The following DLEC1 variants were observed in gnomAD, a reference collection of about 807,000 sequenced individuals.
DLEC1 encodes the protein deleted in lung and esophageal cancer protein 1.
A neutral mutation model predicts 198.1 loss-of-function variants in DLEC1; 146 were observed. The observed-to-expected ratio is 0.74, with a 90% CI of 0.64 to 0.85. The LOEUF (loss-of-function observed/expected upper bound fraction) is 0.85. Among genes scored for constraint, DLEC1 ranks in the 40% least tolerant of loss-of-function variants. The pLI, the probability that DLEC1 is intolerant of heterozygous loss-of-function variation, is 0.00. For missense variants in DLEC1, 2,233 were observed against 2,220.0 expected (o/e 1.01, Z -0.12); for synonymous variants, 897 against 866.8 (o/e 1.03, Z -0.61).
chr3:38,117,458 G>A lies in DLEC1; in HGVS notation c.4401-69G>A, dbSNP rs755783865. 7 of 1,608,498 alleles carry A rather than the reference G, an allele frequency of 4.4e-6. No homozygotes were observed. The South Asian group carries it at 5.5e-5, about 13-fold the overall frequency. ...GGGAAAGGCTGGCCCGAGGCTGGAT[G>A]AGCAGAGTGGGGGCAGCCAGAAGGC... On this transcript the variant is annotated intron_variant, in intron 31 of 36. Coordinates refer to ENST00000308059, the MANE Select transcript of DLEC1 (RefSeq NM_007335.4).
chr3:38,050,940 C>CT (rs71094939), intron 2 of DLEC1, among the ~76,000 whole-genome samples: 46,353 of 146,698 alleles, frequency 0.32, 7,382 homozygotes, highest in East Asian at 0.56. Context: ...CTCTCTCTCT[C>CT]TTTTTTTTTT....
Position 38,116,579 on chromosome 3 carries a change from A to G in DLEC1, c.3983A>G (p.Asp1328Gly). 1 of 1,614,076 alleles carries G rather than the reference A, an allele frequency of 6.2e-7. No individual in the cohort carries two copies. Among genetic ancestry groups the G allele is most frequent in the South Asian group, 1.1e-5 (1 of 91,088 alleles). The change falls in exon 28 of 37, where the codon GAT becomes GGT. Residue 1328 changes from aspartate to glycine, a missense_variant. By Grantham distance (94) the Asp-to-Gly change is moderately conservative. Coordinates refer to ENST00000308059, the MANE Select transcript of DLEC1 (RefSeq NM_007335.4). Reference protein sequence around the residue: ...DQAGNELVCPDTPEGGCLLWS... With the variant: ...DQAGNELVCPGTPEGGCLLWS... ...GCCGGGAATGAGCTTGTGTGCCCTG[A>G]TACCCCTGAGGGTGGCTGCCTCCTC...
At chr3:38,041,946 A>C (rs754961237) in intron 1 of DLEC1, among the ~76,000 whole-genome samples, 2 of 152,140 alleles carry the variant, frequency 1.3e-5, no homozygotes, top group Non-Finnish European at 2.9e-5. Context: ...AGTTGTTAAA[A>C]AGAATGAATT....
Position 38,120,538 on chromosome 3 carries a change from A to G in DLEC1, c.4795A>G (p.Ser1599Gly), listed in dbSNP as rs1477537424. Residue 1599 changes from serine (S) to glycine (G), a missense_variant, in exon 34 of 37, where the codon AGT becomes GGT. By Grantham distance (56) the Ser-to-Gly change is moderately conservative. Transcript: ENST00000308059. ...QTLPGVDIQQ[S>G]ASGEREMVFT... Reference sequence around the variant, plus strand: ...ACTGCCTGGGGTGGACATTCAGCAGAGTGCGAGTGGAGAGAGAGAGATGGT... The same window carrying G: ...ACTGCCTGGGGTGGACATTCAGCAGGGTGCGAGTGGAGAGAGAGAGATGGT... The G allele has an allele frequency of 1.9e-6, 3 of 1,614,216 alleles. No homozygotes were observed. Among genetic ancestry groups the G allele is most frequent in the Non-Finnish European group, 2.5e-6 (3 of 1,180,036 alleles).
intron 13 of DLEC1, 103 bp from the exon 14 acceptor site, chr3:38,095,785 G>A (rs1698983459): frequency 1.4e-6 from 2 of 1,466,540 alleles, no homozygotes; most frequent in Non-Finnish European, 1.9e-6. Flanking sequence ...TCCTTCTGAT[G>A]GCTAGGCTAA....
chr3:38,073,937 G>T (rs1357644653), intron 6 of DLEC1, among the ~76,000 whole-genome samples: 3 of 152,216 alleles, frequency 2.0e-5, no homozygotes, highest in Non-Finnish European at 2.9e-5. Context: ...TCGCTAAGCT[G>T]AGCAGATCTG....
In DLEC1 at chr3:38,122,087, C is replaced by A. The variant is rs1378129171; in HGVS notation, c.5037C>A (p.Ala1679=). 3 of 1,614,056 alleles carry A rather than the reference C, an allele frequency of 1.9e-6. No individual in the cohort carries two copies. The highest frequency in any genetic ancestry group is 3.3e-5 in the Admixed American group (2 of 60,010). Residue 1679 remains alanine, a synonymous_variant, in exon 36 of 37, where the codon GCC becomes GCA. Coordinates refer to ENST00000308059, the MANE Select transcript of DLEC1 (RefSeq NM_007335.4). ...TTGGTGCAGGCCAGCAGGAGCCAGCCAAGGCCGCTGTGGCCTTCAGGGTCT... is the reference window on the plus strand; with the variant it reads ...TTGGTGCAGGCCAGCAGGAGCCAGCAAAGGCCGCTGTGGCCTTCAGGGTCT... The part of the protein sequence containing the change: ...WTMLMGQQEP[A]KAAVAFRVSP...
At chr3:38,059,103 A>T (rs139773126) in intron 2 of DLEC1, among the ~76,000 whole-genome samples, 2 of 152,060 alleles carry the variant, frequency 1.3e-5, no homozygotes, top group Non-Finnish European at 2.9e-5. Flanking sequence ...TCTCTCCTGT[A>T]TCTGCAGGTC....
At chr3:38,049,222 T>G (rs1292802634) in intron 2 of DLEC1, among the ~76,000 whole-genome samples, 1 of 152,218 alleles carries the variant, frequency 6.6e-6, no homozygotes, top group Non-Finnish European at 1.5e-5. Context: ...TTCTCAGGTC[T>G]CTGCTGGTGA....
intron 6 of DLEC1, among the ~76,000 whole-genome samples, chr3:38,072,195 G>A (rs1697356028): frequency 6.6e-6 from 1 of 152,218 alleles, no homozygotes; most frequent in African/African-American, 2.4e-5. Context: ...AGGAACAATG[G>A]TAACTGTGGG....
intron 3 of DLEC1, 54 bp from the exon 4 acceptor site, chr3:38,062,115 T>A: frequency 6.3e-7 from 1 of 1,594,976 alleles, no homozygotes; most frequent in Non-Finnish European, 8.6e-7. Context: ...ATCTTAGGAA[T>A]GCCCACCTCC....
rs1231550566 is a variant in DLEC1 at position 38,039,280 on chromosome 3, T to A, written c.55T>A (p.Cys19Ser). 4 of 1,613,620 alleles carry A rather than the reference T, an allele frequency of 2.5e-6. No individual in the cohort carries two copies. The highest frequency in any genetic ancestry group is 2.7e-5 in the African/African-American group (2 of 74,840). Residue 19 changes from cysteine (C) to serine (S), a missense_variant, in exon 1 of 37, where the codon TGC becomes AGC. Cys to Ser is a moderately radical substitution (Grantham distance 112). Transcript: ENST00000308059. Reference sequence around the variant, plus strand: ...GTCTTTAGCGTCCCGGACCAACGAGTGCCAGGGGACAATGTGGGCGCCAAC... The same window carrying A: ...GTCTTTAGCGTCCCGGACCAACGAGAGCCAGGGGACAATGTGGGCGCCAAC... ...RRSLASRTNECQGTMWAPTSP... is the reference protein window; with the variant it reads ...RRSLASRTNESQGTMWAPTSP...
intron 6 of DLEC1, among the ~76,000 whole-genome samples, chr3:38,077,831 G>T (rs200335045): frequency 3.9e-4 from 56 of 144,888 alleles, no homozygotes; most frequent in Middle Eastern, 3.5e-3. Context: ...TTGATGTGTA[G>T]GGAAGGGAGG....
intron 27 of DLEC1, among the ~76,000 whole-genome samples, chr3:38,115,462 G>A (rs926205000): frequency 4.6e-5 from 7 of 152,148 alleles, no homozygotes; most frequent in African/African-American, 1.7e-4. Flanking sequence ...CGTGTTGAAG[G>A]GCCAGGCTCC....
chr3:38,099,269 G>A (rs1175451256), intron 18 of DLEC1, among the ~76,000 whole-genome samples: 3 of 152,198 alleles, frequency 2.0e-5, no homozygotes, highest in African/African-American at 7.2e-5. Flanking sequence ...TGATAGAGGA[G>A]AGACTGGAAG....
intron 6 of DLEC1, among the ~76,000 whole-genome samples, chr3:38,082,062 T>G (rs1301795005): frequency 8.7e-6 from 1 of 115,456 alleles, no homozygotes; most frequent in Non-Finnish European, 1.8e-5. Context: ...AGGCAGAGGG[T>G]CTCCTCACTT....
intron 7 of DLEC1, among the ~76,000 whole-genome samples, chr3:38,084,918 T>C (rs970206608): frequency 3.3e-5 from 5 of 152,086 alleles, no homozygotes; most frequent in Admixed American, 2.6e-4. Context: ...CTTCCTACTT[T>C]AGTGTCACAG....
intron 19 of DLEC1, among the ~76,000 whole-genome samples, chr3:38,102,851 T>C (rs948573607): frequency 1.3e-5 from 2 of 152,206 alleles, no homozygotes; most frequent in Non-Finnish European, 1.5e-5. Context: ...TCTTTCTGGT[T>C]GTTTCCTCCT....
chr3:38,040,203 C>A (rs1200224217), intron 1 of DLEC1, among the ~76,000 whole-genome samples: 1 of 152,178 alleles, frequency 6.6e-6, no homozygotes, highest in Admixed American at 6.5e-5. Flanking sequence ...TCCTTTACCC[C>A]GGTGTGCTTC....
Sources: allele counts gnomAD v4.1 joint callset (sites outside exome capture counted in the v4.1 genomes callset), GRCh38; gene constraint gnomAD v4.1.1; transcripts MANE v1.5; gene names NCBI Gene and HGNC (gene_info 2026-07-23, HGNC 2026-07-21).